FHOD3: variants seen among roughly 807,000 people sequenced by gnomAD.
FHOD3 encodes FH1/FH2 domain-containing protein 3.
In FHOD3, 90 loss-of-function variants were observed where a neutral mutation model predicts 173.0. The observed-to-expected ratio is 0.52, with a 90% confidence interval of 0.44 to 0.62. FHOD3 has a LOEUF of 0.62. FHOD3 is among the 20% of genes least tolerant of loss of function. The pLI is 0.00. For missense variants in FHOD3, 1,945 were observed against 2,034.7 expected (o/e 0.96, Z 0.85); for synonymous variants, 828 against 823.0 (o/e 1.01, Z -0.10).
intron 5 of FHOD3, among the ~76,000 whole-genome samples, chr18:36,517,080 A>G (rs2056029634): frequency 6.6e-6 from 1 of 152,144 alleles, no homozygotes; most frequent in Non-Finnish European, 1.5e-5. Flanking sequence ...AGTGTAGGCA[A>G]GTGCTGTCCA....
At position 36,747,137 on chromosome 18, in the gene FHOD3, T is replaced by C. The variant is rs761363068; in HGVS notation, c.4232+2T>C. 7 of 1,600,498 alleles carry C rather than the reference T, an allele frequency of 4.4e-6. No homozygotes were observed. Among genetic ancestry groups the C allele is most frequent in the Non-Finnish European group, 4.3e-6 (5 of 1,173,558 alleles). On this transcript the variant is annotated splice_donor_variant, in intron 24 of 28. Transcript: ENST00000590592. LOFTEE classifies it high-confidence loss of function. Reference sequence around the variant, plus strand: ...TGTCCATAGAAGGATAATCAACAGGTAAGTGGATTGAGGAACTTATAGAAA... The same window carrying C: ...TGTCCATAGAAGGATAATCAACAGGCAAGTGGATTGAGGAACTTATAGAAA...
intron 5 of FHOD3, among the ~76,000 whole-genome samples, chr18:36,553,136 T>C (rs956937528): frequency 5.3e-5 from 8 of 152,368 alleles, no homozygotes; most frequent in African/African-American, 1.9e-4. Flanking sequence ...GATTTGCATA[T>C]GTTGAACCAG....
intron 3 of FHOD3, among the ~76,000 whole-genome samples, chr18:36,468,120 A>G (rs907009211): frequency 6.6e-6 from 1 of 152,152 alleles, no homozygotes; most frequent in East Asian, 1.9e-4. Flanking sequence ...GAGGGGAAGA[A>G]AGGCAGTGAG....
intron 24 of FHOD3, among the ~76,000 whole-genome samples, chr18:36,747,795 A>C (rs562258514): frequency 2.0e-5 from 3 of 152,120 alleles, no homozygotes; most frequent in African/African-American, 7.2e-5. Context: ...TAGAACCTGG[A>C]TCTTCTATCT....
chr18:36,580,323 A>T (rs1044107733), intron 6 of FHOD3, among the ~76,000 whole-genome samples: 1 of 152,080 alleles, frequency 6.6e-6, no homozygotes, highest in Non-Finnish European at 1.5e-5. Context: ...TTCTGTCTTC[A>T]TCTTTTATTT....
At chr18:36,650,046 G>T (rs2035946814) in intron 11 of FHOD3, among the ~76,000 whole-genome samples, 1 of 152,152 alleles carries the variant, frequency 6.6e-6, no homozygotes, top group Admixed American at 6.5e-5. Flanking sequence ...TGGGCACCTT[G>T]CAGATATTTT....
At chr18:36,450,152 T>C (rs2051741789) in intron 3 of FHOD3, among the ~76,000 whole-genome samples, 1 of 152,232 alleles carries the variant, frequency 6.6e-6, no homozygotes, top group Non-Finnish European at 1.5e-5. Flanking sequence ...CTCCCACCTA[T>C]GAGTGAGAAC....
chr18:36,527,533 C>T lies in FHOD3; in HGVS notation c.511+14990C>T, dbSNP rs115306609. On this transcript the variant is annotated intron_variant, in intron 5 of 28. Transcript: ENST00000590592. Reference sequence around the variant, plus strand: ...ACTGCAGGGAGAAACGGTTTTGTATCGTTTCTTCTCCATGTGGGTGACAGC... The same window carrying T: ...ACTGCAGGGAGAAACGGTTTTGTATTGTTTCTTCTCCATGTGGGTGACAGC... Among the ~76,000 whole-genome samples, 307 of 152,306 alleles carry T rather than the reference C, an allele frequency of 2.0e-3. 2 individuals are homozygous for T. The highest frequency in any genetic ancestry group is 6.9e-3 in the African/African-American group (285 of 41,556).
At chr18:36,590,209 G>T (rs1260595458) in intron 6 of FHOD3, among the ~76,000 whole-genome samples, 1 of 151,686 alleles carries the variant, frequency 6.6e-6, no homozygotes, top group East Asian at 1.9e-4. Context: ...TAACATAAGC[G>T]CAAGGGGCAC....
intron 3 of FHOD3, among the ~76,000 whole-genome samples, chr18:36,460,921 C>A (rs2052510959): frequency 6.6e-6 from 1 of 152,104 alleles, no homozygotes; most frequent in Non-Finnish European, 1.5e-5. Context: ...TCCCTGGAAC[C>A]CAAGGTGCTG....
intron 2 of FHOD3, among the ~76,000 whole-genome samples, chr18:36,360,227 G>A (rs1225231290): frequency 6.6e-6 from 1 of 152,234 alleles, no homozygotes; most frequent in Non-Finnish European, 1.5e-5. Context: ...TGTGGCTTGA[G>A]CCAAGAGTGG....
At chr18:36,734,483 C>T (rs547727351) in intron 20 of FHOD3, among the ~76,000 whole-genome samples, 2 of 152,166 alleles carry the variant, frequency 1.3e-5, no homozygotes, top group South Asian at 2.1e-4. Flanking sequence ...CTGTGTGAAT[C>T]CAGAGACTGT....
chr18:36,332,889 T>C lies in FHOD3; in HGVS notation c.166-22650T>C, dbSNP rs143467624. On this transcript the variant is annotated intron_variant, in intron 1 of 28. Transcript: ENST00000590592. ...CTTCCCAATCCCTTACCCCCTGCCA[T>C]GTGGTTTTAAAGTGCAGCCAAGGTG... is the stretch of plus-strand genomic sequence containing the variant. Among the ~76,000 whole-genome samples the C allele has an allele frequency of 1.2e-3, 188 of 152,320 alleles. 1 individual carries two copies. Among genetic ancestry groups the C allele is most frequent in the Non-Finnish European group, 6.5e-4 (44 of 68,016 alleles).
At chr18:36,770,492 C>T (rs1200487111) in intron 28 of FHOD3, among the ~76,000 whole-genome samples, 2 of 152,150 alleles carry the variant, frequency 1.3e-5, no homozygotes, top group East Asian at 1.9e-4. Flanking sequence ...CCTGTGGTCC[C>T]CTGCTCCTTT....
In FHOD3 at chr18:36,737,902, T is replaced by G. The variant is rs80315918; in HGVS notation, c.3577-2754T>G. ...TTTGGTATATGGTTCTCTTGAGTTTTAAAGCATATAAATTCATGCAATGAC... is the reference window on the plus strand; with the variant it reads ...TTTGGTATATGGTTCTCTTGAGTTTGAAAGCATATAAATTCATGCAATGAC... On this transcript the variant is annotated intron_variant, in intron 20 of 28. Coordinates refer to ENST00000590592, the MANE Select transcript of FHOD3 (RefSeq NM_001281740.3). Among the ~76,000 whole-genome samples, 1,195 of 152,346 alleles carry G rather than the reference T, an allele frequency of 7.8e-3. 31 individuals are homozygous for G. In the East Asian group the frequency reaches 0.097, roughly 12 times the overall value.
At chr18:36,592,349 G>A (rs1364831358) in intron 6 of FHOD3, among the ~76,000 whole-genome samples, 3 of 152,244 alleles carry the variant, frequency 2.0e-5, no homozygotes, top group Non-Finnish European at 4.4e-5. Flanking sequence ...GTGATGACTG[G>A]TTCCAGGTGG....
At chr18:36,451,323 G>T (rs533461262) in intron 3 of FHOD3, among the ~76,000 whole-genome samples, 1 of 152,330 alleles carries the variant, frequency 6.6e-6, no homozygotes, top group South Asian at 2.1e-4. Context: ...TCACAGACTA[G>T]AGTTGACCCA....
At chr18:36,464,078 T>C (rs1163851397) in intron 3 of FHOD3, among the ~76,000 whole-genome samples, 1 of 152,190 alleles carries the variant, frequency 6.6e-6, no homozygotes, top group East Asian at 1.9e-4. Flanking sequence ...TTTAATTCTA[T>C]TTAGTCAGAA....
At chr18:36,589,937 A>C (rs1325256304) in intron 6 of FHOD3, among the ~76,000 whole-genome samples, 5 of 152,126 alleles carry the variant, frequency 3.3e-5, no homozygotes, top group Non-Finnish European at 7.4e-5. Flanking sequence ...ACCCTTCGTT[A>C]CCACGTGAAG....
Sources: allele counts gnomAD v4.1 joint callset (sites outside exome capture counted in the v4.1 genomes callset), GRCh38; gene constraint gnomAD v4.1.1; transcripts MANE v1.5; gene names NCBI Gene and HGNC (gene_info 2026-07-23, HGNC 2026-07-21).